The following ANKS1B variants were observed in gnomAD, a reference collection of about 807,000 sequenced individuals.
ANKS1B encodes the protein ankyrin repeat and sterile alpha motif domain containing 1B, also known as ankyrin repeat and sterile alpha motif domain-containing protein 1B.
Under a neutral mutation model 148.3 loss-of-function variants are expected in ANKS1B, and 36 were observed. The ratio of observed to expected loss-of-function variants is 0.24; its 90% confidence interval spans 0.19 to 0.32. ANKS1B has a LOEUF of 0.32. Ranked by LOEUF, ANKS1B falls within the 10% of genes least tolerant of loss-of-function variation. The probability of loss-of-function intolerance (pLI) is 1.00; values close to 1 mark genes in which losing one functional copy is unlikely to be tolerated. For synonymous variants in ANKS1B, 542 were observed against 560.8 expected, an observed-to-expected ratio of 0.97 and a Z score of 0.47; for missense variants, 1,157 against 1,542.6, an observed-to-expected ratio of 0.75 and a Z score of 4.19.
chr12:99,654,658 CAATGCTCCA>C (rs1293802215), intron 9 of ANKS1B, among the ~76,000 whole-genome samples: 46 of 152,306 alleles, frequency 3.0e-4, no homozygotes, highest in African/African-American at 1.0e-3. Context: ...CATTATTCTA[CAATGCTCCA>C]TTGTGATGTG....
intron 12 of ANKS1B, among the ~76,000 whole-genome samples, chr12:99,256,685 T>C (rs1005646966): frequency 2.6e-5 from 4 of 152,208 alleles, no homozygotes; most frequent in African/African-American, 7.2e-5. Context: ...TTATTCCACT[T>C]TTTTGTGGCT....
intron 11 of ANKS1B, among the ~76,000 whole-genome samples, chr12:99,429,679 T>A (rs7302319): frequency 6.6e-6 from 1 of 152,172 alleles, no homozygotes; most frequent in African/African-American, 2.4e-5. Flanking sequence ...AGAAATAACA[T>A]GGGGCCGGGC....
At chr12:98,788,640 C>G (rs1386777728) in intron 22 of ANKS1B, among the ~76,000 whole-genome samples, 1 of 152,200 alleles carries the variant, frequency 6.6e-6, no homozygotes, top group Non-Finnish European at 1.5e-5. Context: ...CTCACATGCT[C>G]TGGAGCACAA....
chr12:99,909,217 C>CATGTGTGTGTGTGT (rs1399208524), intron 1 of ANKS1B, among the ~76,000 whole-genome samples: 1 of 137,314 alleles, frequency 7.3e-6, no homozygotes, highest in African/African-American at 2.7e-5. Flanking sequence ...AATATTCCAT[C>CATGTGTGTGTGTGT]GTGTGTGTGT....
chr12:99,058,594 G>T (rs2041130742), intron 16 of ANKS1B, among the ~76,000 whole-genome samples: 2 of 151,680 alleles, frequency 1.3e-5, no homozygotes, highest in Admixed American at 1.3e-4. Flanking sequence ...ATTCTTTATT[G>T]TATGAGTTTG....
At chr12:99,853,781 G>A (rs575840799) in intron 1 of ANKS1B, among the ~76,000 whole-genome samples, 1 of 152,118 alleles carries the variant, frequency 6.6e-6, no homozygotes, top group East Asian at 1.9e-4. Flanking sequence ...AATTAAGGAG[G>A]CACCAGAGAA....
Position 99,399,915 on chromosome 12 carries a change from C to T in ANKS1B, c.1576-104G>A, listed in dbSNP as rs148756693. On this transcript the variant is annotated intron_variant, in intron 11 of 26. Transcript: ENST00000683438. ...AGTGATAATTTTTTTCAGTTAAAAACTATCTGGGTTTTATACTTAAAATAT... is the reference window on the plus strand; with the variant it reads ...AGTGATAATTTTTTTCAGTTAAAAATTATCTGGGTTTTATACTTAAAATAT... The T allele has an allele frequency of 4.0e-4, 447 of 1,111,462 alleles. 4 individuals are homozygous for T. In the African/African-American group the frequency reaches 5.8e-3, roughly 14 times the overall value. 68.8% of individuals were successfully genotyped at this position (1,111,462 alleles called of 1,614,324 possible).
At chr12:99,703,633 C>T (rs1008267457) in intron 8 of ANKS1B, among the ~76,000 whole-genome samples, 11 of 151,996 alleles carry the variant, frequency 7.2e-5, no homozygotes, top group African/African-American at 2.7e-4. Flanking sequence ...ATTGTGAATC[C>T]TGTTCTCCTC....
chr12:99,658,292 T>C (rs2098459920), intron 8 of ANKS1B, among the ~76,000 whole-genome samples: 1 of 152,126 alleles, frequency 6.6e-6, no homozygotes, highest in Non-Finnish European at 1.5e-5. Flanking sequence ...TGGAAAACAA[T>C]ACAGTGGAAC....
chr12:99,940,293 G>A (rs986428316), intron 1 of ANKS1B, among the ~76,000 whole-genome samples: 2 of 152,088 alleles, frequency 1.3e-5, no homozygotes, highest in African/African-American at 2.4e-5. Flanking sequence ...CCTAAATAGG[G>A]CATGACAATA....
chr12:99,347,668 T>C (rs2090895420), intron 12 of ANKS1B, among the ~76,000 whole-genome samples: 1 of 151,942 alleles, frequency 6.6e-6, no homozygotes, highest in Non-Finnish European at 1.5e-5. Context: ...AGTAAAAAAT[T>C]AGAAAAGTCA....
At chr12:99,589,761 T>C (rs1030627816) in intron 9 of ANKS1B, among the ~76,000 whole-genome samples, 19 of 152,110 alleles carry the variant, frequency 1.2e-4, no homozygotes, top group African/African-American at 3.9e-4. Context: ...TATGGTACAA[T>C]AGGGCGACTA....
intron 17 of ANKS1B, among the ~76,000 whole-genome samples, chr12:98,973,623 A>G (rs2099885688): frequency 6.6e-6 from 1 of 152,164 alleles, no homozygotes; most frequent in African/African-American, 2.4e-5. Context: ...TAGTGTATCC[A>G]TGCTGTCTGC....
chr12:99,793,753 T>G (rs1171088323), intron 4 of ANKS1B, among the ~76,000 whole-genome samples: 1 of 152,022 alleles, frequency 6.6e-6, no homozygotes, highest in Non-Finnish European at 1.5e-5. Flanking sequence ...TCCAGGATAT[T>G]GGTCTCGGCA....
chr12:99,850,300 T>TCTCTCTCTCTCTCA (rs2087551248), intron 1 of ANKS1B, among the ~76,000 whole-genome samples: 4 of 151,510 alleles, frequency 2.6e-5, no homozygotes, highest in African/African-American at 7.3e-5. Flanking sequence ...TCTCTCTCTC[T>TCTCTCTCTCTCTCA]CTCTCTCTCT....
rs982802226 is a variant in ANKS1B, at chr12:99,314,070, C to A, written c.1757-67206G>T. On this transcript the variant is annotated intron_variant, in intron 12 of 26. Coordinates refer to ENST00000683438, the MANE Select transcript of ANKS1B (RefSeq NM_001352186.2). ...AGCTGATAAGCAACTTCAGCAAAGT[C>A]TCAGGATACAAAATCAACGTGCAAA... Among the ~76,000 whole-genome samples the A allele has an allele frequency of 7.2e-5, 11 of 152,290 alleles. 1 individual carries two copies. The East Asian group carries it at 2.1e-3, about 29-fold the overall frequency.
chr12:99,878,880 C>A (rs996324302), intron 1 of ANKS1B, among the ~76,000 whole-genome samples: 2 of 152,182 alleles, frequency 1.3e-5, no homozygotes, highest in African/African-American at 4.8e-5. Flanking sequence ...TCTGAGGGTA[C>A]TGATTATAAT....
chr12:99,967,062 A>T (rs559862266), intron 1 of ANKS1B, among the ~76,000 whole-genome samples: 35 of 152,292 alleles, frequency 2.3e-4, no homozygotes, highest in Non-Finnish European at 4.1e-4. Flanking sequence ...GTGTAAACAA[A>T]TGACTTATTA....
chr12:99,557,502 C>T (rs980654474), intron 9 of ANKS1B, among the ~76,000 whole-genome samples: 1 of 152,076 alleles, frequency 6.6e-6, no homozygotes, highest in Admixed American at 6.6e-5. Flanking sequence ...AGTTTTTCAC[C>T]TCTATCAGAT....
Sources: gnomAD v4.1 joint callset for allele counts (sites outside exome capture counted in the v4.1 genomes callset) on GRCh38, gnomAD v4.1.1 for gene constraint, MANE v1.5 for transcripts, NCBI Gene and HGNC (gene_info 2026-07-23, HGNC 2026-07-21) for gene names.